BRD7: variants seen among roughly 807,000 people sequenced by gnomAD.
BRD7 encodes bromodomain-containing protein 7.
Under a neutral mutation model 82.1 loss-of-function variants are expected in BRD7, and 15 were observed. That is an observed-to-expected ratio of 0.18 (90% CI 0.12 to 0.28). BRD7 has a LOEUF of 0.28. Ranked by LOEUF, BRD7 falls within the 10% of genes least tolerant of loss-of-function variation. BRD7 has a pLI of 1.00. For synonymous variants in BRD7, 232 were observed against 266.9 expected (o/e 0.87, Z 1.27); for missense variants, 638 against 779.9 (o/e 0.82, Z 2.17).
At chr16:50,352,701 G>GTTTTTTTTTT (rs34714781) in intron 4 of BRD7, among the ~76,000 whole-genome samples, 5 of 127,628 alleles carry the variant, frequency 3.9e-5, no homozygotes, top group Admixed American at 7.8e-5. Flanking sequence ...TGCCAGCTTT[G>GTTTTTTTTTT]TTTTTTTTTT....
intron 11 of BRD7, 51 bp from the exon 12 acceptor site, chr16:50,323,749 A>G: frequency 1.5e-6 from 2 of 1,373,832 alleles, no homozygotes; most frequent in Non-Finnish European, 2.1e-6. Flanking sequence ...CACTGGCTTT[A>G]TCCTCCCATC....
At chr16:50,335,984 C>G (rs4569279) in intron 6 of BRD7, among the ~76,000 whole-genome samples, 1 of 152,254 alleles carries the variant, frequency 6.6e-6, no homozygotes, top group Admixed American at 6.5e-5. Context: ...CTCCTAATGT[C>G]TCATCCAGAG....
chr16:50,337,973 C>G (rs1350297883), intron 6 of BRD7, among the ~76,000 whole-genome samples: 2 of 152,082 alleles, frequency 1.3e-5, no homozygotes, highest in Non-Finnish European at 2.9e-5. Context: ...ATTCCACACG[C>G]CAGTAAAATT....
intron 2 of BRD7, among the ~76,000 whole-genome samples, chr16:50,365,911 T>C (rs1391796090): frequency 6.6e-6 from 1 of 152,100 alleles, no homozygotes; most frequent in African/African-American, 2.4e-5. Context: ...ACAGGAATAC[T>C]TCAAGCACAC....
intron 8 of BRD7, among the ~76,000 whole-genome samples, chr16:50,331,880 A>G (rs1235287788): frequency 6.6e-6 from 1 of 152,218 alleles, no homozygotes; most frequent in East Asian, 1.9e-4. Flanking sequence ...GTCGACAAAA[A>G]TAAACAAAGT....
chr16:50,354,902 A>T lies in BRD7; in HGVS notation c.279T>A (p.Asp93Glu), dbSNP rs1422766843. The T allele has an allele frequency of 9.3e-6, 15 of 1,613,876 alleles. 1 individual carries two copies. Among genetic ancestry groups the T allele is most frequent in the Non-Finnish European group, 1.3e-5 (15 of 1,179,998 alleles). The change falls in exon 3 of 17, where the codon GAT becomes GAA. Residue 93 changes from aspartate (D) to glutamate (E), a missense_variant. Transcript: ENST00000394688. The part of the protein sequence containing the change: ...RRVKEDKKKR[D>E]RDRVENEAEK... ...CTGCCTCATTCTCCACCCGGTCTCGATCTCGCTTCTTTTTATCCTCCTAAA... is the reference window on the plus strand; with the variant it reads ...CTGCCTCATTCTCCACCCGGTCTCGTTCTCGCTTCTTTTTATCCTCCTAAA...
intron 5 of BRD7, among the ~76,000 whole-genome samples, chr16:50,348,209 T>C (rs1474699681): frequency 1.3e-5 from 2 of 152,230 alleles, no homozygotes; most frequent in Admixed American, 1.3e-4. Context: ...GCTAGCCATA[T>C]GTAGAAAGCT....
chr16:50,346,616 C>T (rs1303343992), intron 5 of BRD7, among the ~76,000 whole-genome samples: 5 of 152,094 alleles, frequency 3.3e-5, no homozygotes, highest in Non-Finnish European at 7.4e-5. Context: ...ATAGAAACTA[C>T]CATCAGAGAA....
intron 5 of BRD7, among the ~76,000 whole-genome samples, chr16:50,341,824 G>T (rs538867444): frequency 2.4e-4 from 37 of 151,430 alleles, no homozygotes; most frequent in Middle Eastern, 3.4e-3. Context: ...GATCTATTAA[G>T]CCAATTTGTA....
rs762558020 is a variant in BRD7 at position 50,319,909 on chromosome 16, G to C, written c.1878C>G (p.Asn626Lys). ...GISIPSPVMENNFVDLTEDTE... is the reference protein window; with the variant it reads ...GISIPSPVMEKNFVDLTEDTE... ...TACCTTCTGTCAAATCCACAAAGTT[G>C]TTTTCCATGACGGGGGAAGGAATGG... is the stretch of plus-strand genomic sequence containing the variant. Residue 626 changes from asparagine (N) to lysine (K), a missense_variant, in exon 16 of 17, where the codon AAC (asparagine) becomes AAG (lysine). Transcript: ENST00000394688. 5.6e-6 allele frequency: 9 copies of C among 1,612,070 alleles called. No individual in the cohort carries two copies. The South Asian group carries it at 8.8e-5, about 16-fold the overall frequency.
chr16:50,356,282 ACT>A (rs955943627), intron 2 of BRD7, among the ~76,000 whole-genome samples: 4 of 152,154 alleles, frequency 2.6e-5, no homozygotes, highest in African/African-American at 9.7e-5. Context: ...CTCAACTGCT[ACT>A]CTCTGTGCAT....
At chr16:50,356,092 A>G (rs941061290) in intron 2 of BRD7, among the ~76,000 whole-genome samples, 18 of 152,218 alleles carry the variant, frequency 1.2e-4, no homozygotes, top group African/African-American at 3.6e-4. Context: ...TTGGGTAATT[A>G]TAGATTTAAA....
chr16:50,364,356 C>T (rs1181599797), intron 2 of BRD7, among the ~76,000 whole-genome samples: 6 of 152,132 alleles, frequency 3.9e-5, no homozygotes, highest in Admixed American at 3.9e-4. Context: ...CTCACAGAGG[C>T]ATCTCTAAGG....
At chr16:50,356,501 C>T (rs369757577) in intron 2 of BRD7, among the ~76,000 whole-genome samples, 10 of 152,056 alleles carry the variant, frequency 6.6e-5, no homozygotes, top group African/African-American at 2.2e-4. Flanking sequence ...GAAACAATGT[C>T]TGAAGAAAAG....
At chr16:50,345,834 C>T (rs2038260586) in intron 5 of BRD7, among the ~76,000 whole-genome samples, 1 of 149,630 alleles carries the variant, frequency 6.7e-6, no homozygotes, top group Non-Finnish European at 1.5e-5. Flanking sequence ...ACTTTAACAC[C>T]CCACTGTCAA....
intron 12 of BRD7, among the ~76,000 whole-genome samples, chr16:50,322,445 C>T (rs1161248710): frequency 6.6e-6 from 1 of 152,158 alleles, no homozygotes; most frequent in African/African-American, 2.4e-5. Flanking sequence ...TAATCAAATG[C>T]TACAGAGAAT....
intron 5 of BRD7, among the ~76,000 whole-genome samples, chr16:50,342,932 C>G (rs899155215): frequency 2.0e-5 from 3 of 151,980 alleles, no homozygotes; most frequent in African/African-American, 7.3e-5. Context: ...TCAACACACA[C>G]CAGGACACTC....
At chr16:50,353,734 C>T (rs2038625947) in intron 4 of BRD7, among the ~76,000 whole-genome samples, 1 of 150,386 alleles carries the variant, frequency 6.6e-6, no homozygotes, top group Non-Finnish European at 1.5e-5. Context: ...GCTGGGACTA[C>T]AGGCGCCCAT....
rs2036788258 is a variant in BRD7, at chr16:50,316,131, A to G, written c.*3080T>C. 6.6e-6 allele frequency: 1 copy of G among 152,612 alleles called. No homozygotes were observed. Among genetic ancestry groups the G allele is most frequent in the Non-Finnish European group, 1.5e-5 (1 of 68,284 alleles). The allele number at this position is 152,612 out of a possible 1,614,324, so 9.5% of individuals were successfully genotyped here. On this transcript the variant is annotated 3_prime_UTR_variant, in exon 17 of 17. Coordinates refer to ENST00000394688, the MANE Select transcript of BRD7 (RefSeq NM_013263.5). ...AAATGAATACATTAATGGGGTTTTT[A>G]TCCTTTTGAATGACTTTTCAGACAC...
Sources: gnomAD v4.1 joint callset for allele counts (sites outside exome capture counted in the v4.1 genomes callset) on GRCh38, gnomAD v4.1.1 for gene constraint, MANE v1.5 for transcripts, NCBI Gene and HGNC (gene_info 2026-07-23, HGNC 2026-07-21) for gene names.